The following MPZL3 variants were observed in gnomAD, a reference collection of about 807,000 sequenced individuals.
The protein encoded by MPZL3 is myelin protein zero like 3.
MPZL3 carries 23 observed loss-of-function variants against 24.8 expected under a neutral mutation model. The observed-to-expected ratio is 0.93, with a 90% CI of 0.67 to 1.31. The LOEUF is 1.31. Ranked by LOEUF, MPZL3 falls within the 40% of genes most tolerant of loss-of-function variation. MPZL3 has a pLI of 0.00. For synonymous variants in MPZL3, 99 were observed against 106.5 expected, an observed-to-expected ratio of 0.93 and a Z score of 0.44; for missense variants, 277 against 294.9, an observed-to-expected ratio of 0.94 and a Z score of 0.44.
chr11:118,244,260 T>A (rs1273837188), intron 1 of MPZL3, among the ~76,000 whole-genome samples: 1 of 152,306 alleles, frequency 6.6e-6, no homozygotes, highest in East Asian at 1.9e-4. Flanking sequence ...TGGAATTAAA[T>A]GCAAGCAAAA....
chr11:118,242,492 T>A (rs1018506620), intron 1 of MPZL3, among the ~76,000 whole-genome samples: 1 of 152,192 alleles, frequency 6.6e-6, no homozygotes, highest in Non-Finnish European at 1.5e-5. Context: ...AGAGTGGCAA[T>A]CTAGCCCTAA....
At chr11:118,232,612 C>G (rs1291344672) in intron 5 of MPZL3, among the ~76,000 whole-genome samples, 4 of 151,914 alleles carry the variant, frequency 2.6e-5, no homozygotes, top group Admixed American at 2.0e-4. Flanking sequence ...GGATAATAAC[C>G]GTATGAACAT....
chr11:118,237,616 C>A (rs55768116), intron 2 of MPZL3, among the ~76,000 whole-genome samples: 58,542 of 151,794 alleles, frequency 0.39, 13,079 homozygotes, highest in East Asian at 0.54. Flanking sequence ...TGGGTAGGGG[C>A]CGGGAATGCT....
In MPZL3 at chr11:118,227,253, G is replaced by C. The variant is rs896309700; in HGVS notation, c.*2641C>G. On this transcript the variant is annotated 3_prime_UTR_variant, in exon 6 of 6. Coordinates refer to ENST00000278949, the MANE Select transcript of MPZL3 (RefSeq NM_198275.3). ...AGCAGCTAAAGAAAAATTCTGGAAG[G>C]CTTTTAACCCCTTCTGAACTAAGTT... 43 of 152,186 alleles carry C rather than the reference G, an allele frequency of 2.8e-4. No homozygotes were observed. 9.4% of individuals were successfully genotyped at this position (152,186 alleles called of 1,614,324 possible). A position where few individuals can be genotyped will look rare whatever the true frequency, so the allele number is the denominator to read the frequency against.
At chr11:118,245,704 C>A (rs1388795767) in intron 1 of MPZL3, among the ~76,000 whole-genome samples, 1 of 152,132 alleles carries the variant, frequency 6.6e-6, no homozygotes, top group Non-Finnish European at 1.5e-5. Flanking sequence ...AGGGAACAAA[C>A]TAAAAACAAC....
intron 2 of MPZL3, among the ~76,000 whole-genome samples, chr11:118,239,475 C>T (rs1168997774): frequency 6.6e-6 from 1 of 152,214 alleles, no homozygotes; most frequent in Non-Finnish European, 1.5e-5. Context: ...ATGACATTCA[C>T]ATTCTTGAAT....
rs1715438 is a variant in MPZL3 at position 118,227,326 on chromosome 11, A to G, written c.*2568T>C. 118,685 of 152,200 alleles carry G rather than the reference A, an allele frequency of 0.78. 46,853 individuals carry two copies. The highest frequency in any genetic ancestry group is 0.9 in the African/African-American group (37,535 of 41,542). The allele number at this position is 152,200 out of a possible 1,614,324, so 9.4% of individuals were successfully genotyped here. ...TCCATGGCTGTGACAAGAGCTCATG[A>G]GGTAGCAAAAAGAGAGAGAGAATAG... On this transcript the variant is annotated 3_prime_UTR_variant, in exon 6 of 6. Transcript: ENST00000278949.
At chr11:118,252,080 T>C (rs1949625475) in intron 1 of MPZL3, 142 bp downstream of exon 1, 1 of 778,606 alleles carries the variant, frequency 1.3e-6, no homozygotes, top group South Asian at 1.5e-5. Flanking sequence ...GATGACATCG[T>C]CCCAACGTCC....
chr11:118,249,248 A>G (rs75609223), intron 1 of MPZL3, among the ~76,000 whole-genome samples: 134 of 152,324 alleles, frequency 8.8e-4, no homozygotes, highest in Admixed American at 3.6e-3. Context: ...AACATTTTAT[A>G]TATCCTGATT....
chr11:118,252,189 C>T (rs1378170008), intron 1 of MPZL3, 33 bp downstream of exon 1: 1 of 1,610,688 alleles, frequency 6.2e-7, no homozygotes, highest in Non-Finnish European at 8.5e-7. Flanking sequence ...ACCCCCCGGC[C>T]GGAAGTGGAG....
At chr11:118,235,699 T>A in intron 3 of MPZL3, 110 bp from the exon 4 acceptor site, 1 of 1,098,734 alleles carries the variant, frequency 9.1e-7, no homozygotes, top group Non-Finnish European at 1.3e-6. Flanking sequence ...ATTACAAAAG[T>A]AATAAATCAT....
chr11:118,243,551 A>C (rs1167585183), intron 1 of MPZL3, among the ~76,000 whole-genome samples: 1 of 152,126 alleles, frequency 6.6e-6, no homozygotes, highest in African/African-American at 2.4e-5. Flanking sequence ...GGGGGATCAC[A>C]TGAGGCCAGG....
At position 118,237,761 on chromosome 11, in the gene MPZL3, A is replaced by G. The variant is rs377116297; in HGVS notation, c.241-501T>C. Among the ~76,000 whole-genome samples the G allele has an allele frequency of 8.5e-5, 13 of 152,302 alleles. No homozygotes were observed. The East Asian group carries it at 1.9e-3, about 23-fold the overall frequency. On this transcript the variant is annotated intron_variant, in intron 2 of 5. Coordinates refer to ENST00000278949, the MANE Select transcript of MPZL3 (RefSeq NM_198275.3). ...TTTGAATAGCACTCTATAGTTTGCA[A>G]ATAATTTCCACACATTTACTCACTT...
At chr11:118,245,450 G>T (rs1949547741) in intron 1 of MPZL3, among the ~76,000 whole-genome samples, 2 of 152,214 alleles carry the variant, frequency 1.3e-5, no homozygotes, top group Non-Finnish European at 2.9e-5. Flanking sequence ...GTATGGCTGT[G>T]GAATGTTAGG....
chr11:118,233,301 C>T (rs1345687976), intron 5 of MPZL3, among the ~76,000 whole-genome samples, 159 bp downstream of exon 5: 1 of 152,024 alleles, frequency 6.6e-6, no homozygotes, highest in East Asian at 1.9e-4. Context: ...TGGTAGGGGT[C>T]CCCTGAGTCC....
chr11:118,243,885 C>T (rs1304712731), intron 1 of MPZL3, among the ~76,000 whole-genome samples: 5 of 152,098 alleles, frequency 3.3e-5, no homozygotes, highest in African/African-American at 4.8e-5. Flanking sequence ...CTTTCTTTAA[C>T]GCTGTAATAT....
intron 1 of MPZL3, among the ~76,000 whole-genome samples, chr11:118,243,867 T>C (rs757818688): frequency 2.0e-5 from 3 of 152,142 alleles, no homozygotes; most frequent in Non-Finnish European, 4.4e-5. Context: ...ATAGCAATTT[T>C]AAAAAATCTT....
At chr11:118,249,414 A>C (rs1314606591) in intron 1 of MPZL3, among the ~76,000 whole-genome samples, 1 of 152,210 alleles carries the variant, frequency 6.6e-6, no homozygotes, top group African/African-American at 2.4e-5. Flanking sequence ...ACTCATAAAA[A>C]AAATACCAAT....
chr11:118,236,024 G>T (rs972322210), intron 3 of MPZL3, among the ~76,000 whole-genome samples: 1 of 152,066 alleles, frequency 6.6e-6, no homozygotes, highest in Non-Finnish European at 1.5e-5. Flanking sequence ...ATTCAAGTTG[G>T]TTCGAATTCT....
Sources: allele counts gnomAD v4.1 joint callset (sites outside exome capture counted in the v4.1 genomes callset), GRCh38; gene constraint gnomAD v4.1.1; transcripts MANE v1.5; gene names NCBI Gene and HGNC (gene_info 2026-07-23, HGNC 2026-07-21).